Variants in PAG1 observed in about 807,000 individuals in gnomAD.
PAG1 encodes the protein phosphoprotein associated with glycosphingolipid-enriched microdomains 1.
A neutral mutation model predicts 31.7 loss-of-function variants in PAG1; 23 were observed. That is an observed-to-expected ratio of 0.73 (90% CI 0.52 to 1.03). The LOEUF (loss-of-function observed/expected upper bound fraction) is 1.03. Ranked by LOEUF, PAG1 falls within the 50% of genes least tolerant of loss-of-function variation. The pLI, the probability that PAG1 is intolerant of heterozygous loss-of-function variation, is 0.00. For missense variants in PAG1, 473 were observed against 540.7 expected (o/e 0.87, Z 1.24); for synonymous variants, 214 against 210.3 (o/e 1.02, Z -0.15).
intron 2 of PAG1, among the ~76,000 whole-genome samples, chr8:81,062,851 A>G (rs760807979): frequency 2.0e-5 from 3 of 152,184 alleles, no homozygotes; most frequent in Non-Finnish European, 4.4e-5. Context: ...AATCTTCAGA[A>G]GCACATTAGC....
intron 3 of PAG1, among the ~76,000 whole-genome samples, chr8:80,994,053 C>A (rs1234371722): frequency 6.6e-6 from 1 of 151,672 alleles, no homozygotes; most frequent in South Asian, 2.1e-4. Flanking sequence ...CCTGCCCCTG[C>A]CCCCCACTGC....
chr8:81,001,501 T>C (rs1159702395), intron 3 of PAG1, among the ~76,000 whole-genome samples: 1 of 152,116 alleles, frequency 6.6e-6, no homozygotes, highest in Non-Finnish European at 1.5e-5. Flanking sequence ...CCAGGGTAGG[T>C]TGGTCTCCAT....
intron 3 of PAG1, among the ~76,000 whole-genome samples, chr8:81,016,898 A>C (rs931808952): frequency 6.6e-6 from 1 of 152,190 alleles, no homozygotes; most frequent in Non-Finnish European, 1.5e-5. Context: ...CCATATTCCA[A>C]CAAATCTAGG....
chr8:81,084,835 C>A (rs183820717), intron 1 of PAG1, among the ~76,000 whole-genome samples: 7 of 152,242 alleles, frequency 4.6e-5, no homozygotes, highest in Non-Finnish European at 8.8e-5. Context: ...TTTAACCAAC[C>A]CTTTATTATA....
At position 81,069,062 on chromosome 8, in the gene PAG1, A is replaced by C. The variant is rs144208921; in HGVS notation, c.-175+1050T>G. On this transcript the variant is annotated intron_variant, in intron 2 of 8. Transcript: ENST00000220597. ...TAGAATGTGGATAATCAAAGGTCTTAATGCACTGATTCTTTAGCCTAAGTT... is the reference window on the plus strand; with the variant it reads ...TAGAATGTGGATAATCAAAGGTCTTCATGCACTGATTCTTTAGCCTAAGTT... Among the ~76,000 whole-genome samples, 540 of 152,316 alleles carry C rather than the reference A, an allele frequency of 3.5e-3. 5 individuals are homozygous for C. Among genetic ancestry groups the C allele is most frequent in the African/African-American group, 0.012 (501 of 41,570 alleles).
At chr8:81,084,534 G>C (rs1475194220) in intron 1 of PAG1, among the ~76,000 whole-genome samples, 2 of 152,060 alleles carry the variant, frequency 1.3e-5, no homozygotes, top group African/African-American at 4.8e-5. Context: ...TATATTTCAA[G>C]AAAATGAAAG....
intron 1 of PAG1, among the ~76,000 whole-genome samples, chr8:81,080,937 C>T (rs11994993): frequency 0.057 from 8,698 of 151,976 alleles, 833 homozygotes; most frequent in African/African-American, 0.2. Flanking sequence ...TGTCCTGCTG[C>T]GGAAAGATAC....
intron 2 of PAG1, among the ~76,000 whole-genome samples, chr8:81,032,861 C>T (rs975727864): frequency 2.0e-5 from 3 of 152,108 alleles, no homozygotes; most frequent in Admixed American, 1.3e-4. Context: ...TGTGGTATAT[C>T]CATACAGAAG....
At chr8:81,001,807 C>T (rs1214619642) in intron 3 of PAG1, among the ~76,000 whole-genome samples, 2 of 152,202 alleles carry the variant, frequency 1.3e-5, no homozygotes, top group African/African-American at 2.4e-5. Context: ...GTCCCCAGCA[C>T]TTCCTCTTCT....
rs187614735 is a variant in PAG1 at position 80,976,410 on chromosome 8, G to C, written c.*134C>G. ...AAACTGAACAACTGGGAGAACAGTC[G>C]ACAGGGCCTCTCCAACCATCTTCAG... On this transcript the variant is annotated 3_prime_UTR_variant, in exon 9 of 9. Transcript: ENST00000220597. 3.6e-4 allele frequency: 316 copies of C among 876,196 alleles called. No homozygotes were observed. Among genetic ancestry groups the C allele is most frequent in the Non-Finnish European group, 5.0e-4 (287 of 574,548 alleles). 54.3% of individuals were successfully genotyped at this position (876,196 alleles called of 1,614,324 possible). A position where few individuals can be genotyped will look rare whatever the true frequency, so the allele number is the denominator to read the frequency against.
At chr8:80,995,674 G>T (rs1351148502) in intron 3 of PAG1, among the ~76,000 whole-genome samples, 1 of 152,188 alleles carries the variant, frequency 6.6e-6, no homozygotes, top group Non-Finnish European at 1.5e-5. Flanking sequence ...CAGATTAATT[G>T]ATGCCCATTT....
rs773196982 is a variant in PAG1, at chr8:80,990,549, G to T, written c.177+930C>A. 6.6e-6 allele frequency among the ~76,000 whole-genome samples: 1 copy of T among 152,108 alleles called. No individual in the cohort carries two copies. The highest frequency in any genetic ancestry group is 2.4e-5 in the African/African-American group (1 of 41,396). ...CTGAACTCTGCCTTGCTAATGTGACGATGGGCCCCCTCCCCAGCGGCTGGG... is the reference window on the plus strand; with the variant it reads ...CTGAACTCTGCCTTGCTAATGTGACTATGGGCCCCCTCCCCAGCGGCTGGG... On this transcript the variant is annotated intron_variant, in intron 5 of 8. Coordinates refer to ENST00000220597, the MANE Select transcript of PAG1 (RefSeq NM_018440.4). This position sits in a 1 kb window ranked among gnomAD's most constrained non-coding sequence, Gnocchi z 5.1.
chr8:81,031,712 G>A, intron 2 of PAG1, among the ~76,000 whole-genome samples: 1 of 152,330 alleles, frequency 6.6e-6, no homozygotes, highest in East Asian at 1.9e-4. Context: ...ATCCTGACTT[G>A]AAAACTGGAG....
intron 1 of PAG1, among the ~76,000 whole-genome samples, chr8:81,086,133 T>C (rs373421945): frequency 6.7e-5 from 10 of 150,172 alleles, no homozygotes; most frequent in East Asian, 2.0e-4. Flanking sequence ...AGGCGCCCGC[T>C]ACCACGCCCG....
intron 7 of PAG1, among the ~76,000 whole-genome samples, chr8:80,983,633 T>G (rs1530050): frequency 0.53 from 80,150 of 152,132 alleles, 25,236 homozygotes; most frequent in African/African-American, 0.88. Flanking sequence ...TTCCAGATGA[T>G]TATTTCCAGT....
chr8:81,076,535 C>T (rs920756950), intron 1 of PAG1, among the ~76,000 whole-genome samples: 2 of 152,160 alleles, frequency 1.3e-5, no homozygotes, highest in Non-Finnish European at 1.5e-5. Context: ...CTTTTTAAGT[C>T]AGTGAGGCCA....
At chr8:81,108,813 G>C (rs1415408407) in intron 1 of PAG1, among the ~76,000 whole-genome samples, 1 of 152,170 alleles carries the variant, frequency 6.6e-6, no homozygotes, top group East Asian at 1.9e-4. Flanking sequence ...AAGGCTTGAA[G>C]GAAGCATGCT....
chr8:81,039,190 G>C (rs1808512428), intron 2 of PAG1, among the ~76,000 whole-genome samples: 3 of 152,060 alleles, frequency 2.0e-5, no homozygotes, highest in Non-Finnish European at 4.4e-5. Flanking sequence ...GAGCCTGTTA[G>C]GTTTGATTTA....
At position 80,976,326 on chromosome 8, in the gene PAG1, T is replaced by A; in HGVS notation, c.*218A>T. The A allele has an allele frequency of 1.9e-6, 1 of 524,896 alleles. No homozygotes were observed. Among genetic ancestry groups the A allele is most frequent in the Non-Finnish European group, 3.4e-6 (1 of 295,696 alleles). The allele number at this position is 524,896 out of a possible 1,614,324, so 32.5% of individuals were successfully genotyped here. A position where few individuals can be genotyped will look rare whatever the true frequency, so the allele number is the denominator to read the frequency against. On this transcript the variant is annotated 3_prime_UTR_variant, in exon 9 of 9. Transcript: ENST00000220597. ...AGGGAGATGTGCTTGGGTGTACCTG[T>A]CCATCTGGCAGGCAGGGGCACACTC...
Sources: allele counts gnomAD v4.1 joint callset (sites outside exome capture counted in the v4.1 genomes callset), GRCh38; gene constraint gnomAD v4.1.1; non-coding constraint Gnocchi (gnomAD v3.1); transcripts MANE v1.5; gene names NCBI Gene and HGNC (gene_info 2026-07-23, HGNC 2026-07-21).